The following RFX3 variants were observed in gnomAD, a reference collection of about 807,000 sequenced individuals.
The protein encoded by RFX3 is transcription factor RFX3.
RFX3 carries 14 observed loss-of-function variants against 98.6 expected under a neutral mutation model. That is an observed-to-expected ratio of 0.14 (90% CI 0.09 to 0.22). RFX3 has a LOEUF of 0.22. Among genes scored for constraint, RFX3 ranks in the 10% least tolerant of loss-of-function variants. RFX3 has a pLI of 1.00. For missense variants in RFX3, 639 were observed against 926.9 expected (o/e 0.69, Z 4.03); for synonymous variants, 383 against 328.4 (o/e 1.17, Z -1.80).
chr9:3,507,830 T>C (rs145136653), intron 1 of RFX3, among the ~76,000 whole-genome samples: 78 of 152,088 alleles, frequency 5.1e-4, no homozygotes, highest in Admixed American at 2.0e-3. Flanking sequence ...TTTTCAAGTG[T>C]TTCCCATCCT....
intron 2 of RFX3, among the ~76,000 whole-genome samples, chr9:3,378,208 A>T (rs1187815181): frequency 6.6e-6 from 1 of 152,174 alleles, no homozygotes; most frequent in Non-Finnish European, 1.5e-5. Flanking sequence ...AATATCTTCA[A>T]ATTGTTACAT....
intron 15 of RFX3, among the ~76,000 whole-genome samples, chr9:3,233,282 T>G (rs1325528102): frequency 6.6e-6 from 1 of 152,174 alleles, no homozygotes; most frequent in Non-Finnish European, 1.5e-5. Context: ...GACCCTGGGT[T>G]GTGGCCAGGC....
intron 13 of RFX3, among the ~76,000 whole-genome samples, chr9:3,257,491 T>C (rs137951827): frequency 3.9e-5 from 6 of 152,330 alleles, no homozygotes; most frequent in African/African-American, 1.4e-4. Context: ...CTAAAATACA[T>C]GATGACTTCA....
intron 2 of RFX3, among the ~76,000 whole-genome samples, chr9:3,392,202 T>TA (rs1164122702): frequency 1.3e-4 from 20 of 152,130 alleles, no homozygotes; most frequent in Middle Eastern, 6.8e-3. Flanking sequence ...AAAATATGGA[T>TA]AAACACCCAC....
At chr9:3,450,109 T>C (rs1846440850) in intron 1 of RFX3, among the ~76,000 whole-genome samples, 1 of 152,184 alleles carries the variant, frequency 6.6e-6, no homozygotes, top group South Asian at 2.1e-4. Context: ...AAGAGAGTAT[T>C]TGCCTGGCAA....
chr9:3,359,499 T>A (rs1035006282), intron 2 of RFX3, among the ~76,000 whole-genome samples: 1 of 152,082 alleles, frequency 6.6e-6, no homozygotes, highest in Non-Finnish European at 1.5e-5. Flanking sequence ...ACAGAGCCAG[T>A]CTATCAGGAT....
chr9:3,372,530 T>TTTTCTTTC (rs201467721), intron 2 of RFX3, among the ~76,000 whole-genome samples: 1 of 151,460 alleles, frequency 6.6e-6, no homozygotes, highest in Non-Finnish European at 1.5e-5. Flanking sequence ...GCCATCTTTT[T>TTTTCTTTC]TTTCTTTCTT....
intron 1 of RFX3, among the ~76,000 whole-genome samples, chr9:3,424,950 C>T (rs140157259): frequency 6.6e-6 from 1 of 152,170 alleles, no homozygotes; most frequent in East Asian, 1.9e-4. Context: ...TTTTTGTTGG[C>T]CAGGCACAGT....
chr9:3,436,974 A>G (rs889596656), intron 1 of RFX3, among the ~76,000 whole-genome samples: 3 of 152,052 alleles, frequency 2.0e-5, no homozygotes, highest in Non-Finnish European at 4.4e-5. Context: ...TCATTGAGTA[A>G]TCCACGTTTT....
intron 1 of RFX3, among the ~76,000 whole-genome samples, chr9:3,407,908 T>C (rs1352258566): frequency 6.6e-6 from 1 of 152,168 alleles, no homozygotes; most frequent in Non-Finnish European, 1.5e-5. Flanking sequence ...GATAGGCTTG[T>C]TGGAATTTGA....
At chr9:3,227,793 A>G (rs1188669087) in intron 16 of RFX3, among the ~76,000 whole-genome samples, 1 of 152,208 alleles carries the variant, frequency 6.6e-6, no homozygotes, top group East Asian at 1.9e-4. Context: ...GGTTAATCCT[A>G]TAGAGTATAT....
At chr9:3,495,474 AT>A (rs1851041819) in intron 1 of RFX3, among the ~76,000 whole-genome samples, 1 of 152,040 alleles carries the variant, frequency 6.6e-6, no homozygotes, top group Admixed American at 6.6e-5. Flanking sequence ...TTCTGGATTT[AT>A]TTTTGGCAGT....
intron 2 of RFX3, among the ~76,000 whole-genome samples, chr9:3,388,089 A>G (rs1328721103): frequency 1.3e-5 from 2 of 152,160 alleles, no homozygotes; most frequent in African/African-American, 2.4e-5. Context: ...TATCATCGGT[A>G]TAATTCTAAT....
intron 1 of RFX3, among the ~76,000 whole-genome samples, chr9:3,494,795 G>T (rs1022120443): frequency 1.3e-5 from 2 of 152,042 alleles, no homozygotes; most frequent in Admixed American, 1.3e-4. Context: ...CTCACATCTA[G>T]TTCTGCACTC....
At chr9:3,395,659 C>A in intron 1 of RFX3, 63 bp from the exon 2 acceptor site, 3 of 1,563,846 alleles carry the variant, frequency 1.9e-6, no homozygotes, top group Non-Finnish European at 1.8e-6. Flanking sequence ...AGCTTCCTTA[C>A]AATTGTTCTT....
intron 3 of RFX3, among the ~76,000 whole-genome samples, chr9:3,341,793 A>G (rs1027561287): frequency 1.3e-5 from 2 of 152,212 alleles, no homozygotes. Flanking sequence ...TCTAAATGGC[A>G]AGTGGATTCA....
intron 1 of RFX3, among the ~76,000 whole-genome samples, chr9:3,454,429 T>A (rs1347544133): frequency 6.6e-6 from 1 of 152,182 alleles, no homozygotes; most frequent in Non-Finnish European, 1.5e-5. Context: ...GCTACAAGAT[T>A]CCTTAAATTG....
At chr9:3,268,634 A>T (rs1222633237) in intron 11 of RFX3, among the ~76,000 whole-genome samples, 4 of 151,962 alleles carry the variant, frequency 2.6e-5, no homozygotes, top group African/African-American at 9.7e-5. Context: ...TGCTTAATGT[A>T]GAGACAAGCT....
intron 2 of RFX3, among the ~76,000 whole-genome samples, chr9:3,374,371 A>T (rs1183446228): frequency 6.6e-6 from 1 of 152,232 alleles, no homozygotes; most frequent in Non-Finnish European, 1.5e-5. Context: ...AGATATTTGT[A>T]CAGCCCATTC....
Sources: gnomAD v4.1 joint callset for allele counts (sites outside exome capture counted in the v4.1 genomes callset) on GRCh38, gnomAD v4.1.1 for gene constraint, MANE v1.5 for transcripts, NCBI Gene and HGNC (gene_info 2026-07-23, HGNC 2026-07-21) for gene names.